The following NOL11 variants were observed in gnomAD, a reference collection of about 807,000 sequenced individuals.
NOL11 encodes nucleolar protein 11.
NOL11 carries 42 observed loss-of-function variants against 93.0 expected under a neutral mutation model. The ratio of observed to expected loss-of-function variants is 0.45; its 90% CI spans 0.35 to 0.58. The LOEUF (loss-of-function observed/expected upper bound fraction) is 0.58, where lower values mean the gene tolerates loss of function less well. NOL11 is among the 20% of genes least tolerant of loss of function. The pLI, the probability that NOL11 is intolerant of heterozygous loss-of-function variation, is 0.00. For synonymous variants in NOL11, 296 were observed against 293.7 expected, an observed-to-expected ratio of 1.01 and a Z score of -0.08; for missense variants, 775 against 841.8, an observed-to-expected ratio of 0.92 and a Z score of 0.98.
At chr17:67,733,473 G>A (rs2055173622) in intron 7 of NOL11, among the ~76,000 whole-genome samples, 1 of 152,114 alleles carries the variant, frequency 6.6e-6, no homozygotes, top group South Asian at 2.1e-4. Flanking sequence ...CATTTTAGGG[G>A]GACAGTTTTC....
chr17:67,738,031 T>G lies in NOL11; in HGVS notation c.1529+59T>G. 4 of 1,562,682 alleles carry G rather than the reference T, an allele frequency of 2.6e-6. No individual in the cohort carries two copies. The South Asian group carries it at 4.8e-5, about 19-fold the overall frequency. ...TACATTTATAATCTGTTACATTATT[T>G]GATTTCCAAAATTTTGATGCTTAGG... On this transcript the variant is annotated intron_variant, in intron 13 of 17. Transcript: ENST00000253247.
rs570273458 is a variant in NOL11 at position 67,718,155 on chromosome 17, C to T, written c.141+67C>T. The T allele has an allele frequency of 2.6e-5, 41 of 1,575,140 alleles. No individual in the cohort carries two copies. In the South Asian group the frequency reaches 4.6e-4, roughly 18 times the overall value. On this transcript the variant is annotated intron_variant, in intron 1 of 17. Coordinates refer to ENST00000253247, the MANE Select transcript of NOL11 (RefSeq NM_015462.5). Reference sequence around the variant, plus strand: ...CCCCTTTCTGAGCGCGGAGCTCGAGCTCAAGTTTCTCACAGCTTCAGAAAG... The same window carrying T: ...CCCCTTTCTGAGCGCGGAGCTCGAGTTCAAGTTTCTCACAGCTTCAGAAAG...
intron 6 of NOL11, 81 bp from the exon 7 acceptor site, chr17:67,726,379 T>C: frequency 1.7e-6 from 2 of 1,160,682 alleles, no homozygotes; most frequent in Admixed American, 3.2e-5. Context: ...GGTAAAATCT[T>C]ATAAACAACC....
chr17:67,738,929 A>G lies in NOL11; in HGVS notation c.1764-3A>G, dbSNP rs1478579970. ...TGAAGTACGATTTTCCTTTAGTCCT[A>G]AGTAATGCAATTCTTCATTCAGCAT... On this transcript the variant is annotated splice_polypyrimidine_tract_variant and splice_region_variant and intron_variant, in intron 14 of 17. Transcript: ENST00000253247. 5.0e-6 allele frequency: 8 copies of G among 1,600,846 alleles called. No individual in the cohort carries two copies. The highest frequency in any genetic ancestry group is 6.8e-6 in the Non-Finnish European group (8 of 1,169,066).
chr17:67,738,451 T>G, intron 14 of NOL11, 96 bp downstream of exon 14: 1 of 737,380 alleles, frequency 1.4e-6, no homozygotes, highest in Non-Finnish European at 2.2e-6. Flanking sequence ...TTTAAGGTTT[T>G]TCTTTCCTTT....
At chr17:67,721,601 A>G in intron 4 of NOL11, 75 bp downstream of exon 4, 1 of 1,261,134 alleles carries the variant, frequency 7.9e-7, no homozygotes, top group South Asian at 1.3e-5. Context: ...GTTCAAAAGT[A>G]TTTTGGTTAT....
rs2055214866 is a variant in NOL11, at chr17:67,737,635, C to T, written c.1346C>T (p.Ser449Leu). 1.9e-6 allele frequency: 3 copies of T among 1,614,008 alleles called. No homozygotes were observed. Residue 449 changes from serine to leucine, a missense_variant, in exon 12 of 18, where the codon TCA (serine) becomes TTA (leucine). Ser to Leu is a moderately radical substitution (Grantham distance 145). This residue lies in a region of NOL11 where 416 missense variants were observed against 525.2 expected (regional missense o/e 0.79). Transcript: ENST00000253247. ...CTGGAAAGGTGTAAAGCAGAACCAT[C>T]ATTTTATCCCCGGAACTGTCTGATG... is the stretch of plus-strand genomic sequence containing the variant. ...GLLERCKAEP[S>L]FYPRNCLMQL...
intron 6 of NOL11, among the ~76,000 whole-genome samples, chr17:67,725,906 C>A (rs1333869655): frequency 6.6e-6 from 1 of 152,044 alleles, no homozygotes; most frequent in Non-Finnish European, 1.5e-5. Context: ...ATAGCGAGAC[C>A]CTATGTCTAA....
intron 7 of NOL11, 153 bp downstream of exon 7, chr17:67,726,801 C>G: frequency 3.8e-6 from 2 of 529,444 alleles, no homozygotes; most frequent in East Asian, 6.7e-5. Flanking sequence ...CCTAATTCTT[C>G]TTGAATTGGT....
chr17:67,738,652 C>T (rs918552753), intron 14 of NOL11: 2 of 442,702 alleles, frequency 4.5e-6, no homozygotes, highest in Middle Eastern at 6.0e-4. Flanking sequence ...GGCAACATGG[C>T]GAGACCCCCA....
chr17:67,736,447 C>T (rs2055203065), intron 9 of NOL11: 2 of 515,830 alleles, frequency 3.9e-6, no homozygotes, highest in East Asian at 6.4e-5. Context: ...TCTGCCCTCC[C>T]TTGTTTACCG....
intron 4 of NOL11, 42 bp from the exon 5 acceptor site, chr17:67,722,538 G>T: frequency 6.4e-7 from 1 of 1,551,122 alleles, no homozygotes; most frequent in South Asian, 1.3e-5. Flanking sequence ...CCCAGCTGGT[G>T]ATTTTTGCAT....
At chr17:67,731,736 G>C (rs2055156025) in intron 7 of NOL11, among the ~76,000 whole-genome samples, 1 of 152,164 alleles carries the variant, frequency 6.6e-6, no homozygotes, top group African/African-American at 2.4e-5. Flanking sequence ...GATTAACTTT[G>C]TTCCTTTGCC....
At position 67,724,127 on chromosome 17, in the gene NOL11, G is replaced by A. The variant is rs761175726; in HGVS notation, c.598G>A (p.Glu200Lys). The change falls in exon 6 of 18, where the codon GAA becomes AAA. Residue 200 changes from glutamate (E) to lysine (K), a missense_variant. By Grantham distance (56) the Glu-to-Lys change is moderately conservative. Coordinates refer to ENST00000253247, the MANE Select transcript of NOL11 (RefSeq NM_015462.5). Reference sequence around the variant, plus strand: ...ATATACACTCTTACTTGGACAAGACGAAAACTCTGTTATAAAGAGTTTTAC... The same window carrying A: ...ATATACACTCTTACTTGGACAAGACAAAAACTCTGTTATAAAGAGTTTTAC... ...TKYTLLLGQD[E>K]NSVIKSFTAS... 10 of 1,592,798 alleles carry A rather than the reference G, an allele frequency of 6.3e-6. No homozygotes were observed. The highest frequency in any genetic ancestry group is 1.8e-5 in the Admixed American group (1 of 55,998).
At chr17:67,733,588 A>G (rs902330830) in intron 7 of NOL11, among the ~76,000 whole-genome samples, 2 of 152,112 alleles carry the variant, frequency 1.3e-5, no homozygotes, top group African/African-American at 2.4e-5. Context: ...GAAAGCTTTT[A>G]GTCTTTCACT....
At position 67,719,779 on chromosome 17, in the gene NOL11, G is replaced by C; in HGVS notation, c.247G>C (p.Asp83His). ...FQTGEYVVVHDNKVLRIWNNE... is the reference protein window; with the variant it reads ...FQTGEYVVVHHNKVLRIWNNE... ...AACTGGAGAGTATGTTGTTGTACAC[G>C]ATAATAAGGTGAGTTTTAAAACTTT... The change falls in exon 2 of 18, where the codon GAT (aspartate) becomes CAT (histidine). Residue 83 changes from aspartate (D) to histidine (H), a missense_variant. Transcript: ENST00000253247. The C allele has an allele frequency of 1.3e-6, 2 of 1,591,574 alleles. No homozygotes were observed. Among genetic ancestry groups the C allele is most frequent in the South Asian group, 2.3e-5 (2 of 88,344 alleles).
intron 4 of NOL11, among the ~76,000 whole-genome samples, chr17:67,722,116 C>T (rs999042716): frequency 1.5e-4 from 23 of 152,326 alleles, no homozygotes; most frequent in Admixed American, 9.2e-4. Context: ...CCTGATGAAT[C>T]CCTCTAAGGT....
In NOL11 at chr17:67,722,588, A is replaced by G. The variant is rs1458919052; in HGVS notation, c.470A>G (p.Lys157Arg). 2 of 1,572,554 alleles carry G rather than the reference A, an allele frequency of 1.3e-6. No individual in the cohort carries two copies. The highest frequency in any genetic ancestry group is 2.5e-5 in the South Asian group (2 of 81,572). The change falls in exon 5 of 18, where the codon AAG becomes AGG. Residue 157 changes from lysine (K) to arginine (R), a missense_variant. Lys to Arg is a conservative substitution (Grantham distance 26). Coordinates refer to ENST00000253247, the MANE Select transcript of NOL11 (RefSeq NM_015462.5). ...ISDEEVIKWT[K>R]FFVVFRHPVL... ...TTTTTCTTTTTTTGTAGATGGACAA[A>G]GTTTTTCGTAGTATTCAGACATCCT...
At position 67,723,954 on chromosome 17, in the gene NOL11, G is replaced by A. The variant is rs1332264522; in HGVS notation, c.520-95G>A. The A allele has an allele frequency of 3.8e-6, 3 of 792,938 alleles. No individual in the cohort carries two copies. The East Asian group carries it at 7.7e-5, about 20-fold the overall frequency. 49.1% of individuals were successfully genotyped at this position (792,938 alleles called of 1,614,324 possible). A position where few individuals can be genotyped will look rare whatever the true frequency, so the allele number is the denominator to read the frequency against. On this transcript the variant is annotated intron_variant, in intron 5 of 17. Coordinates refer to ENST00000253247, the MANE Select transcript of NOL11 (RefSeq NM_015462.5). ...AAGATGTTTTTAAGTACTCATTGAT[G>A]TAAGTAGAATGGGGTGACAACTTCT... is the stretch of plus-strand genomic sequence containing the variant.
Sources: gnomAD v4.1 joint callset for allele counts (sites outside exome capture counted in the v4.1 genomes callset) on GRCh38, gnomAD v4.1.1 for gene constraint, gnomAD v4.1.1 regional missense constraint, MANE v1.5 for transcripts, NCBI Gene and HGNC (gene_info 2026-07-23, HGNC 2026-07-21) for gene names.